The following LRRC8C variants were observed in gnomAD, a reference collection of about 807,000 sequenced individuals.
The protein encoded by LRRC8C is leucine rich repeat containing 8 VRAC subunit C, also known as volume-regulated anion channel subunit LRRC8C.
A neutral mutation model predicts 55.3 loss-of-function variants in LRRC8C; 20 were observed. That is an observed-to-expected ratio of 0.36 (90% CI 0.25 to 0.53). The LOEUF (loss-of-function observed/expected upper bound fraction) is 0.53. Ranked by LOEUF, LRRC8C falls within the 20% of genes least tolerant of loss-of-function variation. The pLI is 0.92. For missense variants in LRRC8C, 659 were observed against 951.4 expected (o/e 0.69, Z 4.04); for synonymous variants, 376 against 360.7 (o/e 1.04, Z -0.48).
At chr1:89,680,294 G>A (rs986703911) in intron 1 of LRRC8C, among the ~76,000 whole-genome samples, 2 of 151,918 alleles carry the variant, frequency 1.3e-5, no homozygotes, top group Admixed American at 6.6e-5. Flanking sequence ...AGCCAGGATG[G>A]TCTCGATCTC....
rs932911488 is a variant in LRRC8C, at chr1:89,689,520, C to G, written c.138+2909C>G. On this transcript the variant is annotated intron_variant, in intron 2 of 2. Coordinates refer to ENST00000370454, the MANE Select transcript of LRRC8C (RefSeq NM_032270.5). Reference sequence around the variant, plus strand: ...GGAAGTGAGGGTGGTATTTGGAAGGCTAGTGCAATAATCCAGGCAAGAAAT... The same window carrying G: ...GGAAGTGAGGGTGGTATTTGGAAGGGTAGTGCAATAATCCAGGCAAGAAAT... Among the ~76,000 whole-genome samples, 8 of 152,130 alleles carry G rather than the reference C, an allele frequency of 5.3e-5. No individual in the cohort carries two copies. The East Asian group carries it at 1.5e-3, about 29-fold the overall frequency.
intron 1 of LRRC8C, among the ~76,000 whole-genome samples, chr1:89,664,786 T>G (rs1374723367): frequency 6.6e-6 from 1 of 152,202 alleles, no homozygotes; most frequent in Admixed American, 6.5e-5. Context: ...CATGGAATGT[T>G]TTTCCATTTG....
upstream of LRRC8C, among the ~76,000 whole-genome samples, chr1:89,628,832 T>C (rs1299050387): frequency 6.6e-6 from 1 of 152,154 alleles, no homozygotes; most frequent in Non-Finnish European, 1.5e-5. Flanking sequence ...AAGGCTGGTT[T>C]TGGGGAAAAG....
intron 2 of LRRC8C, among the ~76,000 whole-genome samples, chr1:89,693,441 C>T (rs1658077237): frequency 6.6e-6 from 1 of 152,054 alleles, no homozygotes; most frequent in African/African-American, 2.4e-5. Context: ...TCCCCCCATG[C>T]AGTCATCTGC....
chr1:89,661,381 C>A, intron 1 of LRRC8C: 1 of 323,428 alleles, frequency 3.1e-6, no homozygotes. Context: ...TGCTCCAGTA[C>A]CTCCAGCTCC....
At chr1:89,638,339 C>T (rs1656351293) in intron 1 of LRRC8C, among the ~76,000 whole-genome samples, 1 of 152,038 alleles carries the variant, frequency 6.6e-6, no homozygotes, top group East Asian at 1.9e-4. Flanking sequence ...ATCTGTGAAC[C>T]TTTTTTCCAT....
chr1:89,652,903 T>C (rs1157124954), intron 1 of LRRC8C, among the ~76,000 whole-genome samples: 1 of 152,102 alleles, frequency 6.6e-6, no homozygotes, highest in African/African-American at 2.4e-5. Flanking sequence ...CACAGATATC[T>C]ATGGAGGAGA....
chr1:89,701,829 T>C (rs1658335843), intron 2 of LRRC8C, among the ~76,000 whole-genome samples: 1 of 152,190 alleles, frequency 6.6e-6, no homozygotes, highest in South Asian at 2.1e-4. Context: ...GATGAGCGTT[T>C]CTGTGGAGCA....
chr1:89,621,071 T>G, the LRRC8C span, among the ~76,000 whole-genome samples: 41 of 152,266 alleles, frequency 2.7e-4, no homozygotes, highest in Admixed American at 9.2e-4. Flanking sequence ...TTTTTAGAAA[T>G]CATTTTGGAG....
chr1:89,704,561 G>A (rs991223723), intron 2 of LRRC8C, among the ~76,000 whole-genome samples: 1 of 152,088 alleles, frequency 6.6e-6, no homozygotes, highest in South Asian at 2.1e-4. Flanking sequence ...GATCTGGAAT[G>A]GTATACACCA....
At chr1:89,694,510 C>G (rs1658110912) in intron 2 of LRRC8C, among the ~76,000 whole-genome samples, 1 of 151,298 alleles carries the variant, frequency 6.6e-6, no homozygotes, top group Admixed American at 6.6e-5. Context: ...TTTGAAACTC[C>G]TGGGCTCTAG....
At chr1:89,688,387 A>C (rs1485209639) in intron 2 of LRRC8C, among the ~76,000 whole-genome samples, 1 of 152,218 alleles carries the variant, frequency 6.6e-6, no homozygotes, top group South Asian at 2.1e-4. Flanking sequence ...AAAATAAGCA[A>C]AATAAGCAAA....
At chr1:89,652,207 T>C (rs944601392) in intron 1 of LRRC8C, among the ~76,000 whole-genome samples, 3 of 152,232 alleles carry the variant, frequency 2.0e-5, no homozygotes, top group East Asian at 3.9e-4. Context: ...GGGAAAAGAA[T>C]CAGAAGACCA....
At chr1:89,698,010 G>A (rs1658221440) in intron 2 of LRRC8C, among the ~76,000 whole-genome samples, 3 of 152,236 alleles carry the variant, frequency 2.0e-5, no homozygotes. Context: ...TAGGAGAATC[G>A]TATTTACTAA....
chr1:89,648,819 A>G (rs186761282), intron 1 of LRRC8C, among the ~76,000 whole-genome samples: 36 of 152,328 alleles, frequency 2.4e-4, no homozygotes, highest in African/African-American at 8.4e-4. Flanking sequence ...TGGACAGCTC[A>G]TGTAAGTGGT....
At chr1:89,704,988 G>A (rs1658434575) in intron 2 of LRRC8C, among the ~76,000 whole-genome samples, 1 of 151,828 alleles carries the variant, frequency 6.6e-6, no homozygotes, top group South Asian at 2.1e-4. Context: ...GTTTATTGTG[G>A]CACTATTCAC....
intron 2 of LRRC8C, among the ~76,000 whole-genome samples, chr1:89,697,715 A>C (rs551233802): frequency 1.4e-4 from 21 of 152,324 alleles, no homozygotes; most frequent in African/African-American, 5.1e-4. Context: ...TTTATGGCTT[A>C]TGGAAAAATG....
chr1:89,616,810 CAG>C, the LRRC8C span, among the ~76,000 whole-genome samples: 1 of 152,174 alleles, frequency 6.6e-6, no homozygotes, highest in East Asian at 1.9e-4. Flanking sequence ...TATGAGATCT[CAG>C]GGAATTCTGA....
intron 1 of LRRC8C, among the ~76,000 whole-genome samples, chr1:89,654,487 A>G (rs1262077738): frequency 6.6e-6 from 1 of 152,200 alleles, no homozygotes; most frequent in African/African-American, 2.4e-5. Flanking sequence ...TTAAGTCTCA[A>G]TTCAGGGGAT....
Sources: allele counts gnomAD v4.1 joint callset (sites outside exome capture counted in the v4.1 genomes callset), GRCh38; gene constraint gnomAD v4.1.1; transcripts MANE v1.5; gene names NCBI Gene and HGNC (gene_info 2026-07-23, HGNC 2026-07-21).